The following KDM4C variants were observed in gnomAD, a reference collection of about 807,000 sequenced individuals.
KDM4C encodes lysine demethylase 4C, also known as lysine-specific demethylase 4C.
In KDM4C, 81 loss-of-function variants were observed where a neutral mutation model predicts 129.3. The observed-to-expected ratio is 0.63, with a 90% CI of 0.52 to 0.75. KDM4C has a LOEUF of 0.75. Among genes scored for constraint, KDM4C ranks in the 30% least tolerant of loss-of-function variants. KDM4C has a pLI of 0.00. For missense variants in KDM4C, 1,457 were observed against 1,304.0 expected, an observed-to-expected ratio of 1.12 and a Z score of -1.81; for synonymous variants, 573 against 456.1, an observed-to-expected ratio of 1.26 and a Z score of -3.26.
intron 4 of KDM4C, among the ~76,000 whole-genome samples, chr9:6,827,164 T>A (rs1834021579): frequency 1.3e-5 from 2 of 152,214 alleles, no homozygotes; most frequent in Non-Finnish European, 2.9e-5. Flanking sequence ...TCACAGAATA[T>A]TTGACCTGTT....
At chr9:6,873,716 G>T (rs1043310445) in intron 5 of KDM4C, among the ~76,000 whole-genome samples, 2 of 152,014 alleles carry the variant, frequency 1.3e-5, no homozygotes, top group African/African-American at 2.4e-5. Flanking sequence ...AATGTTTTTT[G>T]TTTTCTTATC....
At position 6,984,488 on chromosome 9, in the gene KDM4C, A is replaced by C. The variant is rs1163357596; in HGVS notation, c.1354+84A>C. 4 of 852,418 alleles carry C rather than the reference A, an allele frequency of 4.7e-6. No homozygotes were observed. In the African/African-American group the frequency reaches 6.6e-5, roughly 14 times the overall value. 52.8% of individuals were successfully genotyped at this position (852,418 alleles called of 1,614,324 possible). A position where few individuals can be genotyped will look rare whatever the true frequency, so the allele number is the denominator to read the frequency against. On this transcript the variant is annotated intron_variant, in intron 10 of 21. Transcript: ENST00000381309. Reference sequence around the variant, plus strand: ...TCTTAAATGGATGTTCACTATGACAAGTATCTGACTAGTCCACATAGCTTA... The same window carrying C: ...TCTTAAATGGATGTTCACTATGACACGTATCTGACTAGTCCACATAGCTTA...
At chr9:6,805,554 G>A in intron 2 of KDM4C, 45 bp from the exon 3 acceptor site, 1 of 1,376,394 alleles carries the variant, frequency 7.3e-7, no homozygotes, top group Non-Finnish European at 1.0e-6. Context: ...TAAATTACTT[G>A]GAGTATTTTC....
intron 1 of KDM4C, among the ~76,000 whole-genome samples, chr9:6,725,687 CTTTCT>C (rs141556812): frequency 0.12 from 15,931 of 137,086 alleles, 998 homozygotes; most frequent in South Asian, 0.24. Context: ...GATTGGGTTT[CTTTCT>C]TTTCTTTTCT....
At chr9:6,836,199 C>G (rs904423378) in intron 4 of KDM4C, among the ~76,000 whole-genome samples, 2 of 152,206 alleles carry the variant, frequency 1.3e-5, no homozygotes, top group Admixed American at 1.3e-4. Flanking sequence ...CGCCTGTAAT[C>G]CCAACACTTT....
At chr9:6,925,534 A>G (rs751933728) in intron 8 of KDM4C, 296 of 919,762 alleles carry the variant, frequency 3.2e-4, no homozygotes, top group Non-Finnish European at 3.6e-4. Flanking sequence ...GGCATCAAGC[A>G]GTCCTCCCAC....
chr9:7,030,961 T>A (rs1052606878), intron 15 of KDM4C, among the ~76,000 whole-genome samples: 1 of 152,112 alleles, frequency 6.6e-6, no homozygotes, highest in Non-Finnish European at 1.5e-5. Context: ...CTGAAAAGCA[T>A]TTATTTTACT....
chr9:6,861,809 T>C (rs1366716825), intron 5 of KDM4C, among the ~76,000 whole-genome samples: 2 of 151,678 alleles, frequency 1.3e-5, no homozygotes, highest in Non-Finnish European at 2.9e-5. Flanking sequence ...GGAGTCTTGC[T>C]CTGTTGCCCA....
chr9:6,807,800 G>C (rs1279158554), intron 3 of KDM4C, among the ~76,000 whole-genome samples: 2 of 145,908 alleles, frequency 1.4e-5, no homozygotes, highest in South Asian at 2.2e-4. Flanking sequence ...TGGGGGGGGG[G>C]TCAGCCCCCC....
intron 8 of KDM4C, among the ~76,000 whole-genome samples, chr9:6,966,331 C>T (rs1317280020): frequency 1.3e-5 from 2 of 152,164 alleles, no homozygotes; most frequent in African/African-American, 2.4e-5. Context: ...TACAGGCGCC[C>T]GCCACTGCGC....
intron 8 of KDM4C, among the ~76,000 whole-genome samples, chr9:6,944,108 C>T (rs780791854): frequency 3.9e-5 from 6 of 152,032 alleles, no homozygotes; most frequent in Non-Finnish European, 7.4e-5. Context: ...TAGATTTTGT[C>T]GAATTATGTG....
intron 15 of KDM4C, among the ~76,000 whole-genome samples, chr9:7,023,731 T>G (rs1010364083): frequency 6.6e-6 from 1 of 152,182 alleles, no homozygotes; most frequent in Non-Finnish European, 1.5e-5. Flanking sequence ...AGGTTGTTTA[T>G]TTGAAGTTTT....
chr9:7,127,962 G>A (rs1421563398), intron 18 of KDM4C, 104 bp from the exon 19 acceptor site: 2 of 1,055,888 alleles, frequency 1.9e-6, no homozygotes, highest in Non-Finnish European at 1.3e-6. Context: ...TTTAAATCTT[G>A]GCCAAATAAA....
At chr9:6,855,541 A>G (rs1381119755) in intron 5 of KDM4C, among the ~76,000 whole-genome samples, 1 of 151,482 alleles carries the variant, frequency 6.6e-6, no homozygotes, top group Admixed American at 6.6e-5. Context: ...GGGATAAACC[A>G]GAGGCATGGC....
rs565724033 is a variant in KDM4C, at chr9:7,074,205, C to T, written c.2424+25005C>T. ...CTGAGTTGGAGTTTCGCTCTGTCAC[C>T]CAGGCTGGAGTGCAGTGGCGCGATC... On this transcript the variant is annotated intron_variant, in intron 17 of 21. Coordinates refer to ENST00000381309, the MANE Select transcript of KDM4C (RefSeq NM_015061.6). 9.3e-4 allele frequency among the ~76,000 whole-genome samples: 142 copies of T among 152,048 alleles called. 1 individual carries two copies. Among genetic ancestry groups the T allele is most frequent in the African/African-American group, 3.3e-3 (137 of 41,456 alleles).
chr9:7,080,296 A>G (rs1052880052), intron 17 of KDM4C, among the ~76,000 whole-genome samples: 4 of 152,114 alleles, frequency 2.6e-5, no homozygotes, highest in Non-Finnish European at 4.4e-5. Context: ...CTGCAAAGAG[A>G]CCCTAGAGCC....
intron 17 of KDM4C, among the ~76,000 whole-genome samples, chr9:7,055,250 C>G (rs545659971): frequency 6.6e-6 from 1 of 152,304 alleles, no homozygotes; most frequent in African/African-American, 2.4e-5. Flanking sequence ...AGTGGTGTAG[C>G]ACAGTGCCTT....
rs561660072 is a variant in KDM4C at position 6,986,495 on chromosome 9, A to G, written c.1506A>G (p.Pro502=). 3.1e-6 allele frequency: 5 copies of G among 1,614,168 alleles called. No individual in the cohort carries two copies. The South Asian group carries it at 5.5e-5, about 18-fold the overall frequency. Residue 502 remains proline, a synonymous_variant, in exon 11 of 22, where the codon CCA becomes CCG. Coordinates refer to ENST00000381309, the MANE Select transcript of KDM4C (RefSeq NM_015061.6). ...ATGAGAAGCCCGAGAAATCAGACCC[A>G]TCCGAGCTTTCATGGCCAAAGTCAC... The part of the protein sequence containing the change: ...SGYEKPEKSD[P]SELSWPKSPE...
chr9:7,071,198 G>A (rs1053683662), intron 17 of KDM4C, among the ~76,000 whole-genome samples: 2 of 152,178 alleles, frequency 1.3e-5, no homozygotes, highest in Non-Finnish European at 2.9e-5. Context: ...CACCTGATTG[G>A]AAGACACATT....
Sources: gnomAD v4.1 joint callset for allele counts (sites outside exome capture counted in the v4.1 genomes callset) on GRCh38, gnomAD v4.1.1 for gene constraint, MANE v1.5 for transcripts, NCBI Gene and HGNC (gene_info 2026-07-23, HGNC 2026-07-21) for gene names.